The following ANXA4 variants were observed in gnomAD, a reference collection of about 807,000 sequenced individuals.
ANXA4 encodes 35-beta calcimedin.
A neutral mutation model predicts 49.8 loss-of-function variants in ANXA4; 39 were observed. That is an observed-to-expected ratio of 0.78 (90% CI 0.61 to 1.02). ANXA4 has a LOEUF of 1.02. Ranked by LOEUF, ANXA4 falls within the 50% of genes least tolerant of loss-of-function variation. The probability of loss-of-function intolerance (pLI) is 0.00; values close to 1 mark genes in which losing one functional copy is unlikely to be tolerated. For missense variants in ANXA4, 360 were observed against 410.1 expected (o/e 0.88, Z 1.05); for synonymous variants, 134 against 152.5 (o/e 0.88, Z 0.89).
chr2:69,738,243 C>T (rs1424399960), upstream of ANXA4, among the ~76,000 whole-genome samples: 3 of 152,066 alleles, frequency 2.0e-5, no homozygotes, highest in Non-Finnish European at 4.4e-5. Flanking sequence ...GGTGAGTTTA[C>T]CAACAGGTTG....
At chr2:69,747,429 AC>A (rs912553657) in intron 1 of ANXA4, among the ~76,000 whole-genome samples, 1 of 152,150 alleles carries the variant, frequency 6.6e-6, no homozygotes, top group African/African-American at 2.4e-5. Context: ...TCTGAGTCTT[AC>A]CCAACTTTAG....
At chr2:69,670,438 C>CAAAAAAAA (rs748196181) in intron 2 of ANXA4, among the ~76,000 whole-genome samples, 3 of 44,746 alleles carry the variant, frequency 6.7e-5, no homozygotes, top group Non-Finnish European at 9.2e-5. Flanking sequence ...GACTCAATCT[C>CAAAAAAAA]AAAAAAAAAA....
chr2:69,695,516 G>A (rs184919597), intron 2 of ANXA4, among the ~76,000 whole-genome samples: 1 of 152,290 alleles, frequency 6.6e-6, no homozygotes, highest in East Asian at 1.9e-4. Context: ...AGCAGCCCAT[G>A]AGTGTGAAAT....
At position 69,713,005 on chromosome 2, in the gene ANXA4, A is replaced by G. The variant is rs561558331; in HGVS notation, n.767-7769A>G. Among the ~76,000 whole-genome samples, 4 of 152,190 alleles carry G rather than the reference A, an allele frequency of 2.6e-5. 1 individual carries two copies. The highest frequency in any genetic ancestry group is 9.6e-5 in the African/African-American group (4 of 41,514). On this transcript the variant is annotated intron_variant and non_coding_transcript_variant, in intron 2 of 3. Coordinates refer to the ANXA4 transcript ENST00000418066. ...GTGGACTGGCTTCTACCCTAAATAC[A>G]TACAACAATACTTCCCACTCTGACC... is the stretch of plus-strand genomic sequence containing the variant.
rs144975182 is a variant in ANXA4, at chr2:69,820,701, C to T, written c.786C>T (p.Gly262=). The T allele has an allele frequency of 1.8e-3, 2,948 of 1,613,748 alleles. 43 individuals are homozygous for T. The highest frequency in any genetic ancestry group is 5.0e-4 in the Middle Eastern group (3 of 6,060). ...TTGGATTTCGTTTTCTTCCTTAGGG[C>T]TTGGGCACCGATGATAACACCCTCA... The part of the protein sequence containing the change: ...FAEKLYKSMK[G]LGTDDNTLIR... Residue 262 remains glycine, a splice_region_variant and synonymous_variant, in exon 12 of 13, where the codon GGC becomes GGT. Transcript: ENST00000394295.
At chr2:69,643,884 G>A (rs1485180226), upstream of ANXA4, 1 of 1,173,330 alleles carries the variant, frequency 8.5e-7, no homozygotes, top group African/African-American at 1.6e-5. Context: ...GCCACGGATG[G>A]GAAGGAGTCG....
intron 2 of ANXA4, among the ~76,000 whole-genome samples, chr2:69,702,991 C>T (rs1000817061): frequency 3.9e-5 from 6 of 152,064 alleles, no homozygotes; most frequent in African/African-American, 7.2e-5. Context: ...ACTCAAAAAC[C>T]ATTCATTAAA....
chr2:69,819,217 C>T, intron 10 of ANXA4, 63 bp from the exon 11 acceptor site: 1 of 1,240,684 alleles, frequency 8.1e-7, no homozygotes, highest in South Asian at 1.4e-5. Flanking sequence ...ACAACTGTCA[C>T]TTTTCTTTTT....
chr2:69,754,423 G>T (rs1418857726), intron 1 of ANXA4, among the ~76,000 whole-genome samples: 3 of 152,048 alleles, frequency 2.0e-5, no homozygotes, highest in African/African-American at 7.2e-5. Context: ...ACTTTACAAA[G>T]ATTATTTATT....
chr2:69,740,962 G>C (rs1670379462), upstream of ANXA4, among the ~76,000 whole-genome samples: 1 of 151,526 alleles, frequency 6.6e-6, no homozygotes, highest in Non-Finnish European at 1.5e-5. Context: ...AAAGTGCTGG[G>C]ATTACAGGCA....
At chr2:69,663,809 A>C (rs990174299) in intron 2 of ANXA4, among the ~76,000 whole-genome samples, 2 of 152,256 alleles carry the variant, frequency 1.3e-5, no homozygotes, top group Admixed American at 1.3e-4. Flanking sequence ...ATGCATAGGC[A>C]AAAGGCAAAG....
chr2:69,707,421 C>G (rs189329662), intron 2 of ANXA4, among the ~76,000 whole-genome samples: 8 of 152,310 alleles, frequency 5.3e-5, no homozygotes, highest in African/African-American at 1.9e-4. Flanking sequence ...TTCCAGGAAT[C>G]CCACTGGTGA....
chr2:69,681,166 G>C (rs1225968952), intron 2 of ANXA4, among the ~76,000 whole-genome samples: 1 of 151,946 alleles, frequency 6.6e-6, no homozygotes. Flanking sequence ...TTTTATTACT[G>C]ATTTAATTTC....
intron 3 of ANXA4, among the ~76,000 whole-genome samples, chr2:69,798,347 A>C (rs988487455): frequency 6.6e-6 from 1 of 152,224 alleles, no homozygotes; most frequent in Non-Finnish European, 1.5e-5. Flanking sequence ...GCAGCATTGC[A>C]TACAGAGAGG....
At chr2:69,802,127 A>T (rs1321594998) in intron 3 of ANXA4, among the ~76,000 whole-genome samples, 1 of 152,216 alleles carries the variant, frequency 6.6e-6, no homozygotes, top group Non-Finnish European at 1.5e-5. Flanking sequence ...CAGTGCCTAA[A>T]GTAAATCCAG....
intron 8 of ANXA4, among the ~76,000 whole-genome samples, chr2:69,813,265 T>G (rs1247140159): frequency 1.3e-5 from 2 of 149,102 alleles, no homozygotes; most frequent in Admixed American, 1.4e-4. Context: ...TTTTTTTTTT[T>G]GAGATGGAGT....
At chr2:69,698,789 G>A (rs982957465) in intron 2 of ANXA4, among the ~76,000 whole-genome samples, 39 of 152,186 alleles carry the variant, frequency 2.6e-4, no homozygotes, top group Admixed American at 7.9e-4. Context: ...CTTTGTCTCT[G>A]CTTCTCAAGA....
intron 2 of ANXA4, among the ~76,000 whole-genome samples, chr2:69,673,157 A>C (rs974024043): frequency 5.9e-5 from 9 of 152,206 alleles, no homozygotes; most frequent in South Asian, 4.1e-4. Context: ...CAGCAATCCC[A>C]TATACCCGAA....
intron 1 of ANXA4, among the ~76,000 whole-genome samples, chr2:69,776,026 T>C (rs368802458): frequency 1.2e-3 from 179 of 150,988 alleles, no homozygotes; most frequent in African/African-American, 4.4e-3. Context: ...CAGGCTGGAG[T>C]GCAGTGGTGC....
Sources: gnomAD v4.1 joint callset for allele counts (sites outside exome capture counted in the v4.1 genomes callset) on GRCh38, gnomAD v4.1.1 for gene constraint, MANE v1.5 for transcripts, NCBI Gene and HGNC (gene_info 2026-07-23, HGNC 2026-07-21) for gene names.